Variants in ZFPM2 observed in about 807,000 individuals in gnomAD.
ZFPM2 encodes zinc finger protein, FOG family member 2.
A neutral mutation model predicts 98.6 loss-of-function variants in ZFPM2; 20 were observed. The ratio of observed to expected loss-of-function variants is 0.20; its 90% CI spans 0.14 to 0.29. The LOEUF is 0.29. ZFPM2 is among the 10% of genes least tolerant of loss of function. The pLI is 1.00. For synonymous variants in ZFPM2, 518 were observed against 502.7 expected, an observed-to-expected ratio of 1.03 and a Z score of -0.41; for missense variants, 1,310 against 1,388.6, an observed-to-expected ratio of 0.94 and a Z score of 0.90.
chr8:105,614,165 G>A (rs1586150708), intron 4 of ZFPM2, among the ~76,000 whole-genome samples: 1 of 151,908 alleles, frequency 6.6e-6, no homozygotes. Context: ...ACAATTCCAG[G>A]CATACACATT....
chr8:105,458,007 A>T (rs925135598), intron 3 of ZFPM2, among the ~76,000 whole-genome samples: 1 of 152,150 alleles, frequency 6.6e-6, no homozygotes, highest in African/African-American at 2.4e-5. Context: ...CTAACCAGGG[A>T]CCCTGGTGGC....
In ZFPM2 at chr8:105,802,223, A is replaced by G. The variant is rs374096081; in HGVS notation, c.2141A>G (p.His714Arg). The G allele has an allele frequency of 1.2e-6, 2 of 1,613,948 alleles. No homozygotes were observed. The highest frequency in any genetic ancestry group is 2.2e-5 in the South Asian group (2 of 91,072). ...VHKQYYCATRHDPPLKRSASN... is the reference protein window; with the variant it reads ...VHKQYYCATRRDPPLKRSASN... ...AAACAGTATTACTGTGCTACACGCC[A>G]CGACCCTCCACTGAAGAGGTCTGCT... The change falls in exon 8 of 8, where the codon CAC becomes CGC. Residue 714 changes from histidine to arginine, a missense_variant. By Grantham distance (29) the His-to-Arg change is conservative (BLOSUM62 0). Coordinates refer to ENST00000407775, the MANE Select transcript of ZFPM2 (RefSeq NM_012082.4).
chr8:105,651,178 TCC>T (rs1586174710), intron 5 of ZFPM2, among the ~76,000 whole-genome samples: 1 of 152,222 alleles, frequency 6.6e-6, no homozygotes, highest in East Asian at 1.9e-4. Context: ...AGTTTTTTTC[TCC>T]TCATTTATGT....
rs150216442 is a variant in ZFPM2 at position 105,644,970 on chromosome 8, T to C, written c.532+10613T>C. Among the ~76,000 whole-genome samples the C allele has an allele frequency of 3.0e-4, 45 of 152,352 alleles. No homozygotes were observed. In the East Asian group the frequency reaches 4.4e-3, roughly 15 times the overall value. On this transcript the variant is annotated intron_variant, in intron 5 of 7. Transcript: ENST00000407775. The stretch of plus-strand genomic sequence containing the variant: ...AACATTCAGTTGATAACCTCCTCTG[T>C]ATCAGTTATCTTTATATTTGATATT...
chr8:105,594,848 C>A (rs970944190), intron 4 of ZFPM2, among the ~76,000 whole-genome samples: 3 of 152,058 alleles, frequency 2.0e-5, no homozygotes, highest in African/African-American at 7.2e-5. Context: ...ATGCAAAGGT[C>A]TCAGGTTATA....
At position 105,802,800 on chromosome 8, in the gene ZFPM2, T is replaced by C. The variant is rs1456578169; in HGVS notation, c.2718T>C (p.Asp906=). The change falls in exon 8 of 8, where the codon GAT becomes GAC. Residue 906 remains aspartate (D), a synonymous_variant. Coordinates refer to ENST00000407775, the MANE Select transcript of ZFPM2 (RefSeq NM_012082.4). ...PNPESERNSP[D]VSYERSIIKC... Reference sequence around the variant, plus strand: ...CAGAAAGCGAACGAAACAGCCCTGATGTCAGCTACGAAAGAAGCATAATAA... The same window carrying C: ...CAGAAAGCGAACGAAACAGCCCTGACGTCAGCTACGAAAGAAGCATAATAA... 9 of 1,613,558 alleles carry C rather than the reference T, an allele frequency of 5.6e-6. No individual in the cohort carries two copies. Among genetic ancestry groups the C allele is most frequent in the Non-Finnish European group, 6.8e-6 (8 of 1,179,834 alleles).
At chr8:105,451,103 G>A (rs1238254451) in intron 3 of ZFPM2, among the ~76,000 whole-genome samples, 1 of 152,106 alleles carries the variant, frequency 6.6e-6, no homozygotes, top group Non-Finnish European at 1.5e-5. Flanking sequence ...CTTCAGCTGT[G>A]TAAGAATGGG....
chr8:105,421,135 A>G (rs1294388989), intron 2 of ZFPM2, among the ~76,000 whole-genome samples: 1 of 152,182 alleles, frequency 6.6e-6, no homozygotes, highest in Non-Finnish European at 1.5e-5. Flanking sequence ...CACTCCAGCT[A>G]TACTAATCAG....
intron 1 of ZFPM2, among the ~76,000 whole-genome samples, chr8:105,338,440 A>C (rs191580824): frequency 6.6e-6 from 1 of 152,004 alleles, no homozygotes; most frequent in East Asian, 1.9e-4. Flanking sequence ...TTTTCTGGTC[A>C]GGAAAAATAA....
At chr8:105,447,162 A>T (rs1812390836) in intron 3 of ZFPM2, among the ~76,000 whole-genome samples, 1 of 151,822 alleles carries the variant, frequency 6.6e-6, no homozygotes, top group African/African-American at 2.4e-5. Context: ...AAAATATCTC[A>T]TATGCCCATG....
intron 3 of ZFPM2, among the ~76,000 whole-genome samples, chr8:105,549,765 C>T (rs930553081): frequency 1.3e-5 from 2 of 151,686 alleles, no homozygotes; most frequent in African/African-American, 4.8e-5. Context: ...GCACAAGCCA[C>T]GATGTCTGGC....
intron 5 of ZFPM2, among the ~76,000 whole-genome samples, chr8:105,738,525 G>C (rs1273265788): frequency 6.6e-6 from 1 of 151,972 alleles, no homozygotes; most frequent in Admixed American, 6.6e-5. Context: ...ATATTCTTTT[G>C]GGTATATACC....
chr8:105,581,371 C>T (rs1248959170), intron 4 of ZFPM2, among the ~76,000 whole-genome samples: 3 of 152,098 alleles, frequency 2.0e-5, no homozygotes, highest in Admixed American at 6.6e-5. Flanking sequence ...ACTTTGGAAC[C>T]AATCCTGCAT....
At chr8:105,603,468 A>C (rs1455233568) in intron 4 of ZFPM2, among the ~76,000 whole-genome samples, 2 of 152,082 alleles carry the variant, frequency 1.3e-5, no homozygotes, top group African/African-American at 4.8e-5. Flanking sequence ...TTGTGAATTT[A>C]TATTTTTTCC....
At chr8:105,472,996 G>T (rs1402746683) in intron 3 of ZFPM2, among the ~76,000 whole-genome samples, 1 of 149,054 alleles carries the variant, frequency 6.7e-6, no homozygotes, top group African/African-American at 2.5e-5. Flanking sequence ...CTGGGCTAAT[G>T]TGATCTTCCC....
At chr8:105,794,260 T>G (rs1446784742) in intron 6 of ZFPM2, among the ~76,000 whole-genome samples, 1 of 152,168 alleles carries the variant, frequency 6.6e-6, no homozygotes, top group African/African-American at 2.4e-5. Context: ...TTGGTGTGGA[T>G]GTCCTTTCTG....
chr8:105,380,857 A>G (rs1458953885), intron 1 of ZFPM2, among the ~76,000 whole-genome samples: 2 of 48,584 alleles, frequency 4.1e-5, no homozygotes, highest in Non-Finnish European at 3.9e-5. Flanking sequence ...TATAATATAT[A>G]TAATATATAA....
At chr8:105,413,268 ATAGAATATG>A (rs1209949740) in intron 1 of ZFPM2, among the ~76,000 whole-genome samples, 1 of 151,838 alleles carries the variant, frequency 6.6e-6, no homozygotes, top group Non-Finnish European at 1.5e-5. Context: ...TTTTCATCAC[ATAGAATATG>A]TAGCAAGTTT....
chr8:105,569,402 T>G (rs1483227946), intron 4 of ZFPM2, among the ~76,000 whole-genome samples: 1 of 152,218 alleles, frequency 6.6e-6, no homozygotes, highest in Non-Finnish European at 1.5e-5. Flanking sequence ...GTCTGTTTCG[T>G]CTGTGATCTT....
Sources: allele counts gnomAD v4.1 joint callset (sites outside exome capture counted in the v4.1 genomes callset), GRCh38; gene constraint gnomAD v4.1.1; transcripts MANE v1.5; gene names NCBI Gene and HGNC (gene_info 2026-07-23, HGNC 2026-07-21).